The following WDR17 variants were observed in gnomAD, a reference collection of about 807,000 sequenced individuals.
WDR17 encodes the protein WD repeat-containing protein 17.
A neutral mutation model predicts 161.7 loss-of-function variants in WDR17; 143 were observed. The ratio of observed to expected loss-of-function variants is 0.88; its 90% CI spans 0.77 to 1.02. The LOEUF (loss-of-function observed/expected upper bound fraction) is 1.02, where lower values mean the gene tolerates loss of function less well. WDR17 is among the 50% of genes least tolerant of loss of function. The pLI is 0.00. For missense variants in WDR17, 1,469 were observed against 1,520.9 expected, an observed-to-expected ratio of 0.97 and a Z score of 0.57; for synonymous variants, 517 against 515.6, an observed-to-expected ratio of 1.00 and a Z score of -0.04.
chr4:176,096,656 T>C, intron 1 of WDR17: 1 of 1,248,108 alleles, frequency 8.0e-7, no homozygotes, highest in Admixed American at 2.1e-5. Flanking sequence ...TATAGTTTTA[T>C]ATCTGTGTCA....
At chr4:176,124,365 T>C (rs1325117120) in intron 4 of WDR17, among the ~76,000 whole-genome samples, 1 of 152,204 alleles carries the variant, frequency 6.6e-6, no homozygotes, top group Non-Finnish European at 1.5e-5. Context: ...ATCCTTTGCT[T>C]TATTTAATTA....
At chr4:176,125,380 G>C (rs753447783) in intron 5 of WDR17, 25 bp downstream of exon 5, 1 of 1,607,582 alleles carries the variant, frequency 6.2e-7, no homozygotes, top group Non-Finnish European at 8.5e-7. Context: ...ATAACCCAGA[G>C]TTTTAAATAC....
intron 1 of WDR17, among the ~76,000 whole-genome samples, chr4:176,084,773 T>A (rs1221797981): frequency 1.4e-5 from 2 of 144,164 alleles, no homozygotes. Context: ...TATTATATAT[T>A]ATATATATAT....
chr4:176,176,594 T>C (rs1157959686), intron 26 of WDR17, among the ~76,000 whole-genome samples: 1 of 152,206 alleles, frequency 6.6e-6, no homozygotes, highest in African/African-American at 2.4e-5. Flanking sequence ...AACTCCTATG[T>C]GTATATTCAG....
chr4:176,114,728 TAG>T (rs1561120853), intron 2 of WDR17, among the ~76,000 whole-genome samples: 1 of 151,706 alleles, frequency 6.6e-6, no homozygotes, highest in Non-Finnish European at 1.5e-5. Context: ...TATAATAAGA[TAG>T]AGTCATGGGA....
chr4:176,168,642 A>G (rs777863162), intron 22 of WDR17, 30 bp from the exon 23 acceptor site: 3 of 1,612,576 alleles, frequency 1.9e-6, no homozygotes, highest in East Asian at 2.2e-5. Context: ...CTTCTCCTCA[A>G]TGAAGTGTCC....
chr4:176,168,292 G>A (rs1490125804), intron 22 of WDR17, among the ~76,000 whole-genome samples: 2 of 152,084 alleles, frequency 1.3e-5, no homozygotes, highest in African/African-American at 4.8e-5. Flanking sequence ...TATCAATTTT[G>A]ACAAGCATAA....
intron 1 of WDR17, among the ~76,000 whole-genome samples, chr4:176,104,340 T>C (rs1738326174): frequency 6.6e-6 from 1 of 152,024 alleles, no homozygotes; most frequent in Non-Finnish European, 1.5e-5. Context: ...AAGATCTTGA[T>C]AAAGGTAAAT....
intron 10 of WDR17, among the ~76,000 whole-genome samples, chr4:176,140,871 G>A (rs538545843): frequency 3.7e-4 from 56 of 152,154 alleles, no homozygotes; most frequent in Middle Eastern, 6.8e-3. Context: ...ATACAAAAGT[G>A]CCTAAGAGTT....
At chr4:176,142,818 A>C (rs1170597578) in intron 11 of WDR17, among the ~76,000 whole-genome samples, 2 of 152,236 alleles carry the variant, frequency 1.3e-5, no homozygotes, top group African/African-American at 4.8e-5. Flanking sequence ...CACACGTTTT[A>C]CAAAATGATA....
intron 3 of WDR17, among the ~76,000 whole-genome samples, chr4:176,118,914 T>C (rs1435147881): frequency 6.6e-6 from 1 of 151,942 alleles, no homozygotes; most frequent in African/African-American, 2.4e-5. Context: ...TGAGCCGAGA[T>C]TGCATCACTG....
chr4:176,125,851 C>A (rs1742368279), intron 5 of WDR17, among the ~76,000 whole-genome samples: 1 of 152,124 alleles, frequency 6.6e-6, no homozygotes, highest in Non-Finnish European at 1.5e-5. Flanking sequence ...TTATAGTAAT[C>A]TAAACTATAA....
rs989096913 is a variant in WDR17 at position 176,179,960 on chromosome 4, A to G, written c.*381A>G. The G allele has an allele frequency of 6.6e-6, 1 of 152,314 alleles. No homozygotes were observed. Among genetic ancestry groups the G allele is most frequent in the African/African-American group, 2.4e-5 (1 of 41,462 alleles). 9.4% of individuals were successfully genotyped at this position (152,314 alleles called of 1,614,324 possible). On this transcript the variant is annotated 3_prime_UTR_variant, in exon 29 of 29. Transcript: ENST00000508596. The stretch of plus-strand genomic sequence containing the variant: ...CTAGAATAGTGCTAGACATACAGTA[A>G]GTACTTAATGGATATTTGAATGATT...
At position 176,166,447 on chromosome 4, in the gene WDR17, A is replaced by G. The variant is rs149453945; in HGVS notation, c.2991-2225A>G. On this transcript the variant is annotated intron_variant, in intron 22 of 28. Coordinates refer to ENST00000508596, the MANE Select transcript of WDR17 (RefSeq NM_181265.4). Reference sequence around the variant, plus strand: ...GAATGAAATATCTCTTCTGATAGTGAAATTTTATATTTTAGATCATTCAAT... The same window carrying G: ...GAATGAAATATCTCTTCTGATAGTGGAATTTTATATTTTAGATCATTCAAT... Among the ~76,000 whole-genome samples, 681 of 152,284 alleles carry G rather than the reference A, an allele frequency of 4.5e-3. 6 individuals carry two copies. The highest frequency in any genetic ancestry group is 0.015 in the African/African-American group (627 of 41,582).
intron 1 of WDR17, among the ~76,000 whole-genome samples, chr4:176,080,563 T>A (rs1734613144): frequency 6.6e-6 from 1 of 152,138 alleles, no homozygotes; most frequent in South Asian, 2.1e-4. Flanking sequence ...TGATCCAACG[T>A]GGCAGCTACT....
chr4:176,128,844 T>C lies in WDR17; in HGVS notation c.897T>C (p.Ser299=), dbSNP rs751552535. 1.7e-5 allele frequency: 27 copies of C among 1,568,296 alleles called. No individual in the cohort carries two copies. In the Admixed American group the frequency reaches 3.7e-4, roughly 22 times the overall value. The change falls in exon 6 of 29, where the codon TCT becomes TCC. Residue 299 remains serine (S), a synonymous_variant. Transcript: ENST00000508596. Reference sequence around the variant, plus strand: ...TTCACTGCTTACATGTACTTAATTCTCCTCCAAGAAAAAAGTGTAAGTAAA... The same window carrying C: ...TTCACTGCTTACATGTACTTAATTCCCCTCCAAGAAAAAAGTGTAAGTAAA... ...TGFHCLHVLN[S]PPRKKFSVQS...
chr4:176,162,295 G>A (rs1749152595), intron 21 of WDR17, 121 bp downstream of exon 21: 1 of 748,990 alleles, frequency 1.3e-6, no homozygotes, highest in African/African-American at 1.8e-5. Context: ...TTCGAAGCCT[G>A]AGTAATTAAG....
chr4:176,077,475 G>A (rs151229854), intron 1 of WDR17, among the ~76,000 whole-genome samples: 66 of 152,096 alleles, frequency 4.3e-4, no homozygotes, highest in African/African-American at 1.4e-3. Context: ...TTCCTTTCAC[G>A]TAGTACCTAT....
chr4:176,166,193 T>A (rs1195939469), intron 22 of WDR17: 7 of 602,996 alleles, frequency 1.2e-5, no homozygotes, highest in Middle Eastern at 4.5e-4. Flanking sequence ...ATGTATATAC[T>A]CCTTTATTTT....
Sources: gnomAD v4.1 joint callset for allele counts (sites outside exome capture counted in the v4.1 genomes callset) on GRCh38, gnomAD v4.1.1 for gene constraint, MANE v1.5 for transcripts, NCBI Gene and HGNC (gene_info 2026-07-23, HGNC 2026-07-21) for gene names.